Variants in BRINP1 observed in about 807,000 individuals in gnomAD.
The protein encoded by BRINP1 is BMP/retinoic acid-inducible neural-specific protein 1.
Under a neutral mutation model 72.9 loss-of-function variants are expected in BRINP1, and 17 were observed. That is an observed-to-expected ratio of 0.23 (90% CI 0.16 to 0.35). The LOEUF is 0.35. Ranked by LOEUF, BRINP1 falls within the 10% of genes least tolerant of loss-of-function variation. The pLI is 1.00. For synonymous variants in BRINP1, 418 were observed against 378.5 expected, an observed-to-expected ratio of 1.10 and a Z score of -1.21; for missense variants, 850 against 1,001.6, an observed-to-expected ratio of 0.85 and a Z score of 2.04.
intron 2 of BRINP1, among the ~76,000 whole-genome samples, chr9:119,270,286 AGCCATTTGCAGG>A (rs1440608884): frequency 6.6e-6 from 1 of 152,156 alleles, no homozygotes; most frequent in Non-Finnish European, 1.5e-5. Flanking sequence ...AATAAATGGA[AGCCATTTGCAGG>A]GCATTTAGTT....
At chr9:119,265,402 C>G (rs111528241) in intron 2 of BRINP1, among the ~76,000 whole-genome samples, 12 of 152,030 alleles carry the variant, frequency 7.9e-5, no homozygotes, top group African/African-American at 2.2e-4. Flanking sequence ...AAGTTCAAGA[C>G]CAGCCTGGTC....
chr9:119,333,794 T>G (rs989551392), intron 1 of BRINP1, among the ~76,000 whole-genome samples: 1 of 152,160 alleles, frequency 6.6e-6, no homozygotes. Flanking sequence ...ACAAGGTGTT[T>G]CATTGGGAGC....
intron 7 of BRINP1, among the ~76,000 whole-genome samples, chr9:119,188,392 A>G (rs1292705738): frequency 6.6e-6 from 1 of 152,234 alleles, no homozygotes; most frequent in Non-Finnish European, 1.5e-5. Flanking sequence ...CACCTAGCAC[A>G]GAAATGAAGA....
intron 2 of BRINP1, among the ~76,000 whole-genome samples, chr9:119,271,907 C>G (rs1830610989): frequency 1.3e-5 from 2 of 151,690 alleles, no homozygotes; most frequent in African/African-American, 4.8e-5. Flanking sequence ...TGCCATGTTG[C>G]TCAAGCTGGT....
chr9:119,345,117 A>G (rs1290594559), intron 1 of BRINP1, among the ~76,000 whole-genome samples: 1 of 152,198 alleles, frequency 6.6e-6, no homozygotes, highest in Non-Finnish European at 1.5e-5. Context: ...CCCCTGTCTC[A>G]TTGAATATTC....
intron 6 of BRINP1, among the ~76,000 whole-genome samples, chr9:119,213,111 T>G (rs543157719): frequency 1.3e-5 from 2 of 152,336 alleles, no homozygotes; most frequent in East Asian, 3.9e-4. Context: ...TTCTCATATC[T>G]GCACCATAGT....
intron 6 of BRINP1, 48 bp from the exon 7 acceptor site, chr9:119,208,989 C>G: frequency 1.3e-6 from 2 of 1,503,704 alleles, no homozygotes; most frequent in Non-Finnish European, 1.8e-6. Flanking sequence ...ATGATAACAC[C>G]CATCTAAAGT....
chr9:119,319,511 G>A (rs1432875385), intron 1 of BRINP1, among the ~76,000 whole-genome samples: 1 of 152,176 alleles, frequency 6.6e-6, no homozygotes, highest in African/African-American at 2.4e-5. Flanking sequence ...ATGTTATGAT[G>A]GCAGGGAGTG....
intron 7 of BRINP1, among the ~76,000 whole-genome samples, chr9:119,198,580 C>T (rs950028946): frequency 6.6e-6 from 1 of 152,098 alleles, no homozygotes; most frequent in Non-Finnish European, 1.5e-5. Context: ...CCAACAGAAA[C>T]ATCCACTTCT....
At chr9:119,199,719 C>T (rs535952076) in intron 7 of BRINP1, among the ~76,000 whole-genome samples, 1 of 152,160 alleles carries the variant, frequency 6.6e-6, no homozygotes, top group South Asian at 2.1e-4. Context: ...TATCAAATCA[C>T]ACTGACCTTA....
chr9:119,246,024 T>G (rs1277603331), intron 3 of BRINP1, among the ~76,000 whole-genome samples: 1 of 152,302 alleles, frequency 6.6e-6, no homozygotes, highest in East Asian at 1.9e-4. Context: ...AGTAGTAACA[T>G]AGCAACAATT....
At chr9:119,258,354 C>T (rs1047201098) in intron 2 of BRINP1, among the ~76,000 whole-genome samples, 1 of 152,072 alleles carries the variant, frequency 6.6e-6, no homozygotes, top group Non-Finnish European at 1.5e-5. Flanking sequence ...GGGCCATTTC[C>T]AGAAAAGCAA....
intron 2 of BRINP1, among the ~76,000 whole-genome samples, chr9:119,277,927 G>C (rs1035874851): frequency 2.6e-5 from 4 of 152,120 alleles, no homozygotes; most frequent in Admixed American, 6.5e-5. Flanking sequence ...CCTCTGCTTA[G>C]AAAACTTTCC....
intron 3 of BRINP1, among the ~76,000 whole-genome samples, chr9:119,247,899 T>C (rs1830340415): frequency 6.6e-6 from 1 of 152,168 alleles, no homozygotes; most frequent in African/African-American, 2.4e-5. Context: ...TAGTGGATAA[T>C]ATTATTGTAG....
At chr9:119,278,332 G>A (rs1478757617) in intron 2 of BRINP1, among the ~76,000 whole-genome samples, 1 of 152,120 alleles carries the variant, frequency 6.6e-6, no homozygotes, top group African/African-American at 2.4e-5. Flanking sequence ...TAATCTTTCT[G>A]AGCAGTGAAC....
intron 2 of BRINP1, among the ~76,000 whole-genome samples, chr9:119,265,228 G>C (rs553040260): frequency 6.6e-6 from 1 of 152,160 alleles, no homozygotes; most frequent in Non-Finnish European, 1.5e-5. Context: ...CAGTGCTACA[G>C]GATGTGTCCT....
chr9:119,359,318 C>G (rs1186036973), intron 1 of BRINP1, among the ~76,000 whole-genome samples: 2 of 152,154 alleles, frequency 1.3e-5, no homozygotes, highest in Non-Finnish European at 2.9e-5. Flanking sequence ...CTCAGCACCC[C>G]CGAAGTAGCC....
intron 2 of BRINP1, among the ~76,000 whole-genome samples, chr9:119,268,458 C>G (rs1830576388): frequency 6.6e-6 from 1 of 152,114 alleles, no homozygotes. Context: ...GGTTGACTCT[C>G]ATACCTTCAT....
chr9:119,257,427 C>T (rs188447475), intron 2 of BRINP1, among the ~76,000 whole-genome samples: 37 of 152,238 alleles, frequency 2.4e-4, no homozygotes, highest in Admixed American at 6.5e-4. Flanking sequence ...AGCTTTCTGG[C>T]GGTCTGGCTT....
Sources: allele counts gnomAD v4.1 joint callset (sites outside exome capture counted in the v4.1 genomes callset), GRCh38; gene constraint gnomAD v4.1.1; transcripts MANE v1.5; gene names NCBI Gene and HGNC (gene_info 2026-07-23, HGNC 2026-07-21).